Variants in KCNQ3 observed in about 807,000 individuals in gnomAD.
KCNQ3 encodes the protein potassium voltage-gated channel subfamily Q member 3.
KCNQ3 carries 30 observed loss-of-function variants against 92.5 expected under a neutral mutation model. That is an observed-to-expected ratio of 0.32 (90% confidence interval 0.24 to 0.44). KCNQ3 has a LOEUF of 0.44. Among genes scored for constraint, KCNQ3 ranks in the 20% least tolerant of loss-of-function variants. The probability of loss-of-function intolerance (pLI) is 1.00; values close to 1 mark genes in which losing one functional copy is unlikely to be tolerated. For synonymous variants in KCNQ3, 450 were observed against 468.8 expected (o/e 0.96, Z 0.52); for missense variants, 913 against 1,140.3 (o/e 0.80, Z 2.87).
chr8:132,289,234 TG>T (rs1365223174), intron 1 of KCNQ3, among the ~76,000 whole-genome samples: 1 of 152,246 alleles, frequency 6.6e-6, no homozygotes, highest in African/African-American at 2.4e-5. Flanking sequence ...CATCATTGTA[TG>T]GCATGCCAAT....
At chr8:132,422,011 A>C (rs752073655) in intron 1 of KCNQ3, among the ~76,000 whole-genome samples, 8 of 152,224 alleles carry the variant, frequency 5.3e-5, no homozygotes, top group Non-Finnish European at 1.2e-4. Context: ...GAAAGAGAGA[A>C]AGGTTATACC....
intron 1 of KCNQ3, among the ~76,000 whole-genome samples, chr8:132,478,671 C>A (rs1286543211): frequency 1.3e-5 from 2 of 151,910 alleles, no homozygotes; most frequent in African/African-American, 2.4e-5. Context: ...CATACAGACA[C>A]CAACATCCAC....
Position 132,309,152 on chromosome 8 carries a change from G to A in KCNQ3, c.387-122971C>T, listed in dbSNP as rs115820611. Reference sequence around the variant, plus strand: ...CTGACCTGTATCTTTCTCCCATGCCGGATGCTTCCTGCCCTTGAACATCAG... The same window carrying A: ...CTGACCTGTATCTTTCTCCCATGCCAGATGCTTCCTGCCCTTGAACATCAG... On this transcript the variant is annotated intron_variant, in intron 1 of 14. Transcript: ENST00000388996. Among the ~76,000 whole-genome samples, 440 of 152,208 alleles carry A rather than the reference G, an allele frequency of 2.9e-3. 1 individual carries two copies. The highest frequency in any genetic ancestry group is 0.01 in the African/African-American group (418 of 41,508).
At chr8:132,372,629 C>T (rs1036101099) in intron 1 of KCNQ3, among the ~76,000 whole-genome samples, 1 of 151,964 alleles carries the variant, frequency 6.6e-6, no homozygotes, top group Non-Finnish European at 1.5e-5. Flanking sequence ...TGGTGGCATG[C>T]ACCTGTAATC....
chr8:132,383,353 A>C (rs1197775971), intron 1 of KCNQ3, among the ~76,000 whole-genome samples: 1 of 152,204 alleles, frequency 6.6e-6, no homozygotes, highest in Non-Finnish European at 1.5e-5. Flanking sequence ...TAGGATCGCC[A>C]TGGTGACAGG....
At chr8:132,215,318 T>G (rs181979159) in intron 1 of KCNQ3, among the ~76,000 whole-genome samples, 1 of 152,210 alleles carries the variant, frequency 6.6e-6, no homozygotes, top group Non-Finnish European at 1.5e-5. Context: ...TAATTCTAAG[T>G]GTATGGAAGA....
At chr8:132,455,980 C>T (rs1274928605) in intron 1 of KCNQ3, among the ~76,000 whole-genome samples, 1 of 152,008 alleles carries the variant, frequency 6.6e-6, no homozygotes, top group Non-Finnish European at 1.5e-5. Flanking sequence ...CTCCTGACCT[C>T]GTGATCCGCC....
At position 132,129,758 on chromosome 8, in the gene KCNQ3, C is replaced by A. The variant is rs977989588; in HGVS notation, c.2123G>T (p.Ser708Ile). ...SFHQVTIDKV[S>I]PYGFFAHDPV... is the part of the protein sequence containing the mutation. ...GTCATGTGCAAAAAACCCATAGGGG[C>A]TGACTTTGTCAATGGTCACCTGGTG... Residue 708 changes from serine (S) to isoleucine (I), a missense_variant, in exon 15 of 15, where the codon AGC (serine) becomes ATC (isoleucine). Around this residue, in one of 6 missense-constraint regions of KCNQ3, gnomAD observed 375 missense variants for 376.4 expected, o/e 1.00. Transcript: ENST00000388996. The surrounding 1 kb of genome is among the most constrained non-coding windows in gnomAD (Gnocchi z 5.9). 17 of 1,614,064 alleles carry A rather than the reference C, an allele frequency of 1.1e-5. No individual in the cohort carries two copies. The highest frequency in any genetic ancestry group is 1.4e-5 in the Non-Finnish European group (17 of 1,180,038).
intron 1 of KCNQ3, among the ~76,000 whole-genome samples, chr8:132,188,135 A>T (rs913078172): frequency 6.6e-6 from 1 of 152,232 alleles, no homozygotes; most frequent in Non-Finnish European, 1.5e-5. Flanking sequence ...GGTGCTTTTT[A>T]TGTGATTTTG....
intron 1 of KCNQ3, among the ~76,000 whole-genome samples, chr8:132,212,556 T>C (rs1813893490): frequency 6.6e-6 from 1 of 151,996 alleles, no homozygotes; most frequent in Non-Finnish European, 1.5e-5. Context: ...CCACTCTCCC[T>C]GTTTATTGAA....
intron 1 of KCNQ3, among the ~76,000 whole-genome samples, chr8:132,457,770 G>T (rs72721093): frequency 0.032 from 4,902 of 152,268 alleles, 83 homozygotes; most frequent in African/African-American, 0.061. Flanking sequence ...GCCAGCTGCT[G>T]AACAACCATT....
At chr8:132,361,020 T>G (rs1046832945) in intron 1 of KCNQ3, among the ~76,000 whole-genome samples, 1 of 152,192 alleles carries the variant, frequency 6.6e-6, no homozygotes, top group South Asian at 2.1e-4. Context: ...ACTTTTTGAG[T>G]GCTCTTATCT....
At chr8:132,345,116 C>T (rs1329300952) in intron 1 of KCNQ3, among the ~76,000 whole-genome samples, 1 of 152,028 alleles carries the variant, frequency 6.6e-6, no homozygotes, top group Non-Finnish European at 1.5e-5. Context: ...TCCTCTGGGG[C>T]CCTCAGGACA....
At chr8:132,235,053 C>T (rs1814768015) in intron 1 of KCNQ3, among the ~76,000 whole-genome samples, 1 of 152,188 alleles carries the variant, frequency 6.6e-6, no homozygotes, top group Admixed American at 6.5e-5. Flanking sequence ...TAAAAAGATG[C>T]TTGGCAGCCA....
At chr8:132,254,914 G>A (rs760046365) in intron 1 of KCNQ3, among the ~76,000 whole-genome samples, 1 of 151,984 alleles carries the variant, frequency 6.6e-6, no homozygotes, top group African/African-American at 2.4e-5. Context: ...GTTCAGCAAT[G>A]GTGAAGTAAG....
chr8:132,271,411 G>A (rs908838996), intron 1 of KCNQ3, among the ~76,000 whole-genome samples: 8 of 152,158 alleles, frequency 5.3e-5, no homozygotes, highest in African/African-American at 1.9e-4. Flanking sequence ...GAACTGCTTT[G>A]TCATATTTTA....
At chr8:132,384,838 G>A (rs1320380236) in intron 1 of KCNQ3, among the ~76,000 whole-genome samples, 1 of 152,164 alleles carries the variant, frequency 6.6e-6, no homozygotes, top group East Asian at 1.9e-4. Flanking sequence ...TTTCCCATCT[G>A]TAAAATGGAA....
At chr8:132,410,809 C>T (rs1416068487) in intron 1 of KCNQ3, among the ~76,000 whole-genome samples, 1 of 152,206 alleles carries the variant, frequency 6.6e-6, no homozygotes, top group Non-Finnish European at 1.5e-5. Flanking sequence ...GACCGCTTAG[C>T]TAATTTATAG....
At chr8:132,275,689 T>G (rs1816304946) in intron 1 of KCNQ3, among the ~76,000 whole-genome samples, 1 of 152,124 alleles carries the variant, frequency 6.6e-6, no homozygotes, top group South Asian at 2.1e-4. Context: ...ACCATTCTCC[T>G]GCCTCAGCCT....
Sources: gnomAD v4.1 joint callset for allele counts (sites outside exome capture counted in the v4.1 genomes callset) on GRCh38, gnomAD v4.1.1 for gene constraint, gnomAD v4.1.1 regional missense constraint, Gnocchi (gnomAD v3.1) non-coding constraint, MANE v1.5 for transcripts, NCBI Gene and HGNC (gene_info 2026-07-23, HGNC 2026-07-21) for gene names.